Variants in TAF15 observed in about 807,000 individuals in gnomAD.
TAF15 encodes TATA-box binding protein associated factor 15, also known as TATA-binding protein-associated factor 2N.
In TAF15, 37 loss-of-function variants were observed where a neutral mutation model predicts 102.5. The observed-to-expected ratio is 0.36, with a 90% CI of 0.28 to 0.47. TAF15 has a LOEUF of 0.47. Among genes scored for constraint, TAF15 ranks in the 20% least tolerant of loss-of-function variants. The pLI, the probability that TAF15 is intolerant of heterozygous loss-of-function variation, is 0.99. For missense variants in TAF15, 652 were observed against 760.7 expected (o/e 0.86, Z 1.68); for synonymous variants, 273 against 259.2 (o/e 1.05, Z -0.51).
chr17:35,827,605 C>T (rs981540776), intron 7 of TAF15, among the ~76,000 whole-genome samples: 1 of 151,778 alleles, frequency 6.6e-6, no homozygotes, highest in African/African-American at 2.4e-5. Context: ...ACTCGGGAGG[C>T]TGAGACAGGA....
At chr17:35,822,344 C>CAAAAA (rs909362495) in intron 5 of TAF15, among the ~76,000 whole-genome samples, 1 of 67,496 alleles carries the variant, frequency 1.5e-5, no homozygotes, top group Non-Finnish European at 3.4e-5. Context: ...ACCTCTGTCT[C>CAAAAA]AAAAAAAAAA....
chr17:35,822,338 C>CT (rs1421708678), intron 5 of TAF15, among the ~76,000 whole-genome samples: 1 of 137,174 alleles, frequency 7.3e-6, no homozygotes, highest in Non-Finnish European at 1.5e-5. Flanking sequence ...GAGTGAACCT[C>CT]TGTCTCAAAA....
chr17:35,819,446 G>C (rs2087233726), intron 2 of TAF15, among the ~76,000 whole-genome samples: 1 of 152,126 alleles, frequency 6.6e-6, no homozygotes. Context: ...GCCAGGCCCT[G>C]CTACAATACT....
chr17:35,844,654 G>C lies in TAF15; in HGVS notation c.1355G>C (p.Gly452Ala). The change falls in exon 15 of 16, where the codon GGG (glycine) becomes GCG (alanine). Residue 452 changes from glycine (G) to alanine (A), a missense_variant. Around this residue, in one of 3 missense-constraint regions of TAF15, gnomAD observed 368 missense variants for 367.5 expected, o/e 1.00. Transcript: ENST00000605844. ...GGCGGCTATGGTGGAGACAGAAGTG[G>C]GGGTGGCTATGGTGGGGACAGAGGC... Reference protein sequence around the residue: ...SGGGYGGDRSGGGYGGDRGGG... With the variant: ...SGGGYGGDRSAGGYGGDRGGG... 1 of 1,600,832 alleles carries C rather than the reference G, an allele frequency of 6.2e-7. No individual in the cohort carries two copies. The highest frequency in any genetic ancestry group is 1.1e-5 in the South Asian group (1 of 90,346).
chr17:35,828,418 T>C (rs2087356590), intron 7 of TAF15, among the ~76,000 whole-genome samples: 1 of 152,304 alleles, frequency 6.6e-6, no homozygotes, highest in South Asian at 2.1e-4. Context: ...ATTCAAAATA[T>C]TTCATCATGC....
intron 1 of TAF15, 142 bp downstream of exon 1, chr17:35,809,718 G>C: frequency 6.8e-6 from 8 of 1,172,254 alleles, no homozygotes; most frequent in South Asian, 1.3e-5. Flanking sequence ...CGCTGCCGCC[G>C]CCATGTTGAA....
At chr17:35,816,772 C>T (rs981215087) in intron 1 of TAF15, 1 of 139,298 alleles carries the variant, frequency 7.2e-6, no homozygotes, top group Non-Finnish European at 1.5e-5. Context: ...GCTCATAGTT[C>T]AAATTCTTTA....
intron 12 of TAF15, among the ~76,000 whole-genome samples, chr17:35,843,809 A>G (rs963344967): frequency 1.3e-5 from 2 of 152,178 alleles, no homozygotes; most frequent in Non-Finnish European, 2.9e-5. Context: ...GGGGGAAGGG[A>G]TACTCAACCT....
chr17:35,846,518 T>G (rs1175970260), intron 15 of TAF15, among the ~76,000 whole-genome samples: 2 of 152,194 alleles, frequency 1.3e-5, no homozygotes, highest in Non-Finnish European at 2.9e-5. Flanking sequence ...AGTCAGTCAT[T>G]TAGTGTAACT....
intron 1 of TAF15, among the ~76,000 whole-genome samples, chr17:35,812,068 G>A (rs2087130575): frequency 6.6e-6 from 1 of 152,040 alleles, no homozygotes; most frequent in Admixed American, 6.6e-5. Context: ...GAGATAAAAC[G>A]TACGGACCAT....
At position 35,832,990 on chromosome 17, in the gene TAF15, C is replaced by G. The variant is rs555144440; in HGVS notation, c.606-917C>G. 8.5e-5 allele frequency among the ~76,000 whole-genome samples: 13 copies of G among 152,094 alleles called. No individual in the cohort carries two copies. The East Asian group carries it at 2.5e-3, about 29-fold the overall frequency. Reference sequence around the variant, plus strand: ...TAGCCAACATGGTGAAATCTCATCTCTACTAAAAACACAGAAGTTACCTGG... The same window carrying G: ...TAGCCAACATGGTGAAATCTCATCTGTACTAAAAACACAGAAGTTACCTGG... On this transcript the variant is annotated intron_variant, in intron 7 of 15. Transcript: ENST00000605844.
At position 35,838,490 on chromosome 17, in the gene TAF15, G is replaced by T; in HGVS notation, c.850G>T (p.Gly284Trp). 1 of 1,614,168 alleles carries T rather than the reference G, an allele frequency of 6.2e-7. No individual in the cohort carries two copies. Residue 284 changes from glycine (G) to tryptophan (W), a missense_variant, in exon 11 of 16, where the codon GGG (glycine) becomes TGG (tryptophan). Gly to Trp is a radical substitution (Grantham distance 184). This residue lies in a region of TAF15 where 41 missense variants were observed against 109.1 expected (regional missense o/e 0.38). Transcript: ENST00000605844. ...AGACAAGGACACAGGAAAGCCAAAG[G>T]GGGAGGCAACAGTGTCATTTGATGA... ...YTDKDTGKPKGEATVSFDDPP... is the reference protein window; with the variant it reads ...YTDKDTGKPKWEATVSFDDPP...
Position 35,844,105 on chromosome 17 carries a change from C to G in TAF15, c.1035C>G (p.Gly345=), listed in dbSNP as rs763039443. The G allele has an allele frequency of 6.2e-7, 1 of 1,614,022 alleles. No individual in the cohort carries two copies. Residue 345 remains glycine, a synonymous_variant, in exon 13 of 16, where the codon GGC becomes GGG. Transcript: ENST00000605844. ...RGRGGYRGRG[G]FQGRGGDPKS... ...GTGGAGGATATAGAGGTCGTGGAGG[C>G]TTTCAAGGGAGAGGTGGAGACCCCA...
At chr17:35,838,400 C>A (rs757337490) in intron 10 of TAF15, 24 bp from the exon 11 acceptor site, 1 of 1,613,742 alleles carries the variant, frequency 6.2e-7, no homozygotes, top group Non-Finnish European at 8.5e-7. Context: ...AATGCTAACA[C>A]CAAGTGTTTC....
intron 11 of TAF15, among the ~76,000 whole-genome samples, chr17:35,840,183 C>T (rs192705626): frequency 6.6e-6 from 1 of 151,704 alleles, no homozygotes; most frequent in East Asian, 1.9e-4. Context: ...CAAACACTTG[C>T]AGTTCCTTTC....
chr17:35,834,548 T>TC lies in TAF15; in HGVS notation c.641-17dup. On this transcript the variant is annotated splice_polypyrimidine_tract_variant and intron_variant, in intron 8 of 15. Transcript: ENST00000605844. ...TAAATTGCCTTAAATAGCTCTTTTT[T>TC]CTTTTCTTTTCCCTTAGGTCACAGG... is the stretch of plus-strand genomic sequence containing the variant. 1 of 1,612,416 alleles carries TC rather than the reference T, an allele frequency of 6.2e-7. No individual in the cohort carries two copies. The highest frequency in any genetic ancestry group is 8.5e-7 in the Non-Finnish European group (1 of 1,178,986).
chr17:35,843,947 G>C (rs947302960), intron 12 of TAF15, 130 bp from the exon 13 acceptor site: 1 of 854,444 alleles, frequency 1.2e-6, no homozygotes, highest in African/African-American at 1.7e-5. Context: ...ACAAAGTCCT[G>C]GTATAAGGGG....
At chr17:35,837,633 C>A (rs893939320) in intron 10 of TAF15, among the ~76,000 whole-genome samples, 1 of 151,848 alleles carries the variant, frequency 6.6e-6, no homozygotes, top group Non-Finnish European at 1.5e-5. Context: ...CAAGACCATC[C>A]TGGCTAACAC....
At chr17:35,841,874 T>A (rs754619626) in intron 11 of TAF15, among the ~76,000 whole-genome samples, 4 of 152,082 alleles carry the variant, frequency 2.6e-5, no homozygotes, top group Non-Finnish European at 4.4e-5. Flanking sequence ...ATTAAAAAAA[T>A]TTTTTCAGAG....
Sources: allele counts gnomAD v4.1 joint callset (sites outside exome capture counted in the v4.1 genomes callset), GRCh38; gene constraint gnomAD v4.1.1; regional missense constraint gnomAD v4.1.1; transcripts MANE v1.5; gene names NCBI Gene and HGNC (gene_info 2026-07-23, HGNC 2026-07-21).